UBR2: variants seen among roughly 807,000 people sequenced by gnomAD.
UBR2 encodes the protein E3 ubiquitin-protein ligase UBR2.
UBR2 carries 92 observed loss-of-function variants against 247.9 expected under a neutral mutation model. The ratio of observed to expected loss-of-function variants is 0.37; its 90% CI spans 0.31 to 0.44. The LOEUF is 0.44. Among genes scored for constraint, UBR2 ranks in the 20% least tolerant of loss-of-function variants. The pLI is 1.00. For synonymous variants in UBR2, 672 were observed against 693.5 expected (o/e 0.97, Z 0.49); for missense variants, 1,613 against 2,112.6 (o/e 0.76, Z 4.64).
At chr6:42,633,986 C>A (rs1190952070) in intron 13 of UBR2, among the ~76,000 whole-genome samples, 1 of 152,166 alleles carries the variant, frequency 6.6e-6, no homozygotes, top group African/African-American at 2.4e-5. Flanking sequence ...CCACCTCGGC[C>A]TCCCAATGTG....
intron 16 of UBR2, 81 bp downstream of exon 16, chr6:42,640,351 GT>G (rs1436258058): frequency 1.6e-6 from 2 of 1,256,056 alleles, no homozygotes; most frequent in Admixed American, 4.5e-5. Flanking sequence ...CACATTTTTA[GT>G]TTGGGTTCTC....
intron 7 of UBR2, among the ~76,000 whole-genome samples, chr6:42,611,532 GAAATT>G (rs972123844): frequency 6.6e-6 from 1 of 151,314 alleles, no homozygotes; most frequent in African/African-American, 2.4e-5. Context: ...ATTATATTGA[GAAATT>G]AAAGACATAA....
rs1181711430 is a variant in UBR2 at position 42,612,178 on chromosome 6, CCAGTAG to C, written c.873_878del (p.Ser292_Arg293del). ...TTGCCATTTCTTTTTAAGAGAAATA[CCAGTAG>C]ACAGACAAAGCCACTCAAAGTTCAA... On this transcript the variant is annotated inframe_deletion, in exon 8 of 47. Transcript: ENST00000372901. The C allele has an allele frequency of 6.6e-7, 1 of 1,524,774 alleles. No homozygotes were observed. Among genetic ancestry groups the C allele is most frequent in the Non-Finnish European group, 8.9e-7 (1 of 1,117,696 alleles). The allele number at this position is 1,524,774 out of a possible 1,614,324, so 94.5% of individuals were successfully genotyped here. A position where few individuals can be genotyped will look rare whatever the true frequency, so the allele number is the denominator to read the frequency against.
intron 2 of UBR2, among the ~76,000 whole-genome samples, chr6:42,576,786 G>T (rs781653513): frequency 1.8e-4 from 28 of 152,064 alleles, no homozygotes; most frequent in Non-Finnish European, 3.4e-4. Context: ...CTCTCAAAGT[G>T]CTGGGATTAA....
At chr6:42,684,971 AATC>A in intron 44 of UBR2, 100 bp downstream of exon 44, 1 of 1,014,308 alleles carries the variant, frequency 9.9e-7, no homozygotes, top group East Asian at 2.6e-5. Context: ...TGGGTAGAGA[AATC>A]ATATCTGTAG....
chr6:42,648,657 A>G (rs967357098), intron 22 of UBR2, among the ~76,000 whole-genome samples: 12 of 152,072 alleles, frequency 7.9e-5, no homozygotes, highest in African/African-American at 2.9e-4. Context: ...ATGACAATGT[A>G]TTCATTTTTT....
At chr6:42,623,863 A>G (rs774834827) in intron 11 of UBR2, among the ~76,000 whole-genome samples, 16 of 151,656 alleles carry the variant, frequency 1.1e-4, no homozygotes, top group Non-Finnish European at 2.1e-4. Context: ...TAATAAGGTT[A>G]TTTAATTTTT....
chr6:42,675,579 A>G (rs182466367), intron 38 of UBR2, among the ~76,000 whole-genome samples: 36 of 152,254 alleles, frequency 2.4e-4, no homozygotes, highest in East Asian at 1.9e-4. Context: ...AGCCAGTCCT[A>G]TTGGATTTTC....
chr6:42,676,304 GTT>G, intron 39 of UBR2, 113 bp downstream of exon 39: 1 of 1,169,902 alleles, frequency 8.5e-7, no homozygotes, highest in Non-Finnish European at 1.2e-6. Context: ...GAATAAGGCT[GTT>G]TTTTTCTGTG....
At chr6:42,634,890 A>G (rs189850537) in intron 13 of UBR2, among the ~76,000 whole-genome samples, 1 of 152,298 alleles carries the variant, frequency 6.6e-6, no homozygotes, top group Non-Finnish European at 1.5e-5. Context: ...TGTATTCTCT[A>G]TTGTTTAATA....
At chr6:42,604,581 C>T (rs1424692055) in intron 5 of UBR2, among the ~76,000 whole-genome samples, 1 of 152,118 alleles carries the variant, frequency 6.6e-6, no homozygotes, top group Non-Finnish European at 1.5e-5. Context: ...AAATTAATTT[C>T]ATTTTGGGAC....
chr6:42,614,240 A>G (rs74691306), intron 8 of UBR2, among the ~76,000 whole-genome samples: 2,517 of 40,314 alleles, frequency 0.062, 185 homozygotes, highest in African/African-American at 0.19. Flanking sequence ...ACACACACAC[A>G]CACACGCGCG....
At position 42,687,692 on chromosome 6, in the gene UBR2, C is replaced by T. The variant is rs535067830; in HGVS notation, c.4854-524C>T. On this transcript the variant is annotated intron_variant, in intron 44 of 46. Transcript: ENST00000372901. ...AGTAGCTGGGACTACAGGTGCACAC[C>T]ACCATGCCTGGCTAATTTTTGTATT... 2.6e-5 allele frequency among the ~76,000 whole-genome samples: 4 copies of T among 152,178 alleles called. No individual in the cohort carries two copies. In the East Asian group the frequency reaches 7.7e-4, roughly 29 times the overall value.
intron 16 of UBR2, among the ~76,000 whole-genome samples, 181 bp downstream of exon 16, chr6:42,640,451 G>A (rs57635191): frequency 2.0e-5 from 3 of 150,934 alleles, no homozygotes; most frequent in African/African-American, 7.3e-5. Flanking sequence ...TACATATATA[G>A]AGAGAGAGAG....
chr6:42,617,163 C>A, intron 10 of UBR2: 1 of 1,330,206 alleles, frequency 7.5e-7, no homozygotes, highest in Non-Finnish European at 1.1e-6. Flanking sequence ...TGACTTCCTC[C>A]AGCACTGACT....
At chr6:42,637,637 T>G (rs1562341463) in intron 15 of UBR2, among the ~76,000 whole-genome samples, 2 of 152,346 alleles carry the variant, frequency 1.3e-5, no homozygotes, top group Middle Eastern at 3.4e-3. Context: ...TCTCCTTTTT[T>G]TCCTCTCCCT....
At chr6:42,614,348 GTATGTGTGTATA>G (rs1273025555) in intron 8 of UBR2, among the ~76,000 whole-genome samples, 9 of 139,820 alleles carry the variant, frequency 6.4e-5, no homozygotes, top group Non-Finnish European at 9.2e-5. Flanking sequence ...ATGTGTGTAT[GTATGTGTGTATA>G]TATGTGTGTA....
At position 42,564,402 on chromosome 6, in the gene UBR2, GTGCCGGAACCCGGGCGGGTGCGTC is replaced by G; in HGVS notation, c.78+10_78+33del. The G allele has an allele frequency of 6.2e-7, 1 of 1,608,158 alleles. No homozygotes were observed. Among genetic ancestry groups the G allele is most frequent in the Non-Finnish European group, 8.5e-7 (1 of 1,177,612 alleles). On this transcript the variant is annotated splice_donor_region_variant and intron_variant, in intron 1 of 46. Transcript: ENST00000372901. ...TCGGCCGAGGAGATTGCGGGGGTGAGTGCCGGAACCCGGGCGGGTGCGTCTGCCCCTCGCAGGCCGCGCCTGTGG... is the reference window on the plus strand; with the variant it reads ...TCGGCCGAGGAGATTGCGGGGGTGAGTGCCCCTCGCAGGCCGCGCCTGTGG...
intron 2 of UBR2, among the ~76,000 whole-genome samples, chr6:42,586,177 C>A (rs1397267074): frequency 6.6e-6 from 1 of 150,774 alleles, no homozygotes; most frequent in Non-Finnish European, 1.5e-5. Flanking sequence ...CCAGCCTGGG[C>A]AACATGTCGA....
Sources: gnomAD v4.1 joint callset for allele counts (sites outside exome capture counted in the v4.1 genomes callset) on GRCh38, gnomAD v4.1.1 for gene constraint, MANE v1.5 for transcripts, NCBI Gene and HGNC (gene_info 2026-07-23, HGNC 2026-07-21) for gene names.